Variants in CHRD observed in about 807,000 individuals in gnomAD.
The protein encoded by CHRD is chordin.
Under a neutral mutation model 113.7 loss-of-function variants are expected in CHRD, and 69 were observed. That is an observed-to-expected ratio of 0.61 (90% CI 0.50 to 0.74). The LOEUF is 0.74. Among genes scored for constraint, CHRD ranks in the 30% least tolerant of loss-of-function variants. The pLI is 0.00. For missense variants in CHRD, 1,194 were observed against 1,295.8 expected, an observed-to-expected ratio of 0.92 and a Z score of 1.21; for synonymous variants, 561 against 540.8, an observed-to-expected ratio of 1.04 and a Z score of -0.52.
exon 23 of CHRD, chr3:184,389,776 A>G: frequency 4.2e-6 from 1 of 235,412 alleles, no homozygotes; most frequent in South Asian, 9.5e-5. Context: ...CCCTGAGCTG[A>G]GCAGAGTCAT....
At position 184,380,278 on chromosome 3, in the gene CHRD, G is replaced by T; in HGVS notation, c.-41G>T. 1 of 740,812 alleles carries T rather than the reference G, an allele frequency of 1.3e-6. No individual in the cohort carries two copies. Among genetic ancestry groups the T allele is most frequent in the African/African-American group, 2.0e-5 (1 of 49,156 alleles). 45.9% of individuals were successfully genotyped at this position (740,812 alleles called of 1,614,324 possible). A position where few individuals can be genotyped will look rare whatever the true frequency, so the allele number is the denominator to read the frequency against. ...CCTCCCTCCCTCCGCCCGCTCCCGC[G>T]CCCTCCTCCCTCCCTCCTCCCCAGC... On this transcript the variant is annotated 5_prime_UTR_variant, in exon 1 of 23. Coordinates refer to ENST00000204604, the Ensembl canonical transcript of CHRD. The surrounding 1 kb of genome is among the most constrained non-coding windows in gnomAD (Gnocchi z 6.3).
chr3:184,384,714 G>A lies in CHRD; in HGVS notation c.1597+21G>A, dbSNP rs369626185. On this transcript the variant is annotated intron_variant, in intron 13 of 22. Coordinates refer to ENST00000204604, the Ensembl canonical transcript of CHRD. This position sits in a 1 kb window ranked among gnomAD's most constrained non-coding sequence, Gnocchi z 4.4. ...TGACAGTGAGTGTCCTTAGGGGTCTGTCTGCCCTTTGGTTTCCTAGAACAT... is the reference window on the plus strand; with the variant it reads ...TGACAGTGAGTGTCCTTAGGGGTCTATCTGCCCTTTGGTTTCCTAGAACAT... The A allele has an allele frequency of 8.5e-6, 13 of 1,522,616 alleles. No homozygotes were observed. The highest frequency in any genetic ancestry group is 2.2e-5 in the Admixed American group (1 of 45,704). The allele number at this position is 1,522,616 out of a possible 1,614,324, so 94.3% of individuals were successfully genotyped here.
chr3:184,387,188 A>G lies in CHRD; in HGVS notation c.2347+81A>G, dbSNP rs544184110. On this transcript the variant is annotated intron_variant, in intron 18 of 22. Coordinates refer to ENST00000204604, the Ensembl canonical transcript of CHRD. This position sits in a 1 kb window ranked among gnomAD's most constrained non-coding sequence, Gnocchi z 6.1. ...ACCAGGAGGGGGACAAGAAGGGGAG[A>G]GTATATAGGGGGTGGCCTGAGGGGC... 100 of 1,413,470 alleles carry G rather than the reference A, an allele frequency of 7.1e-5. No individual in the cohort carries two copies. The highest frequency in any genetic ancestry group is 9.5e-5 in the Non-Finnish European group (95 of 1,000,438). The allele number at this position is 1,413,470 out of a possible 1,614,324, so 87.6% of individuals were successfully genotyped here.
chr3:184,382,908 G>A, exon 9 of CHRD: 1 of 1,613,974 alleles, frequency 6.2e-7, no homozygotes, highest in Non-Finnish European at 8.5e-7. Context: ...GGCAGCTACT[G>A]CGAGAACTTC....
chr3:184,389,013 G>C lies in CHRD; in HGVS notation c.2812+18G>C. On this transcript the variant is annotated intron_variant, in intron 22 of 22. Coordinates refer to ENST00000204604, the Ensembl canonical transcript of CHRD. ...CCGGCGGCGTAAGTGAGGGAGTCCA[G>C]GGTCAGCAGCTGTGAGTGGAGGGCT... 2 of 1,576,378 alleles carry C rather than the reference G, an allele frequency of 1.3e-6. No homozygotes were observed. Among genetic ancestry groups the C allele is most frequent in the Non-Finnish European group, 1.7e-6 (2 of 1,152,040 alleles).
At position 184,388,644 on chromosome 3, in the gene CHRD, G is replaced by A. The variant is rs780450294; in HGVS notation, c.2612G>A (p.Gly871Asp). The A allele has an allele frequency of 6.2e-7, 1 of 1,613,512 alleles. No homozygotes were observed. Among genetic ancestry groups the A allele is most frequent in the East Asian group, 2.2e-5 (1 of 44,896 alleles). Residue 871 changes from glycine (G) to aspartate (D), a missense_variant, in exon 21 of 23, where the codon GGC (glycine) becomes GAC (aspartate). Gly to Asp is a moderately conservative substitution (Grantham distance 94). Transcript: ENST00000204604. The surrounding 1 kb of genome is among the most constrained non-coding windows in gnomAD (Gnocchi z 6.1). ...CCCATGCAGGCTGATGGGCCCCGGG[G>A]CTGCCGTTTTGCTGGGCAGTGGTTC...
At chr3:184,386,872 G>A in exon 17 of CHRD, 1 of 1,614,188 alleles carries the variant, frequency 6.2e-7, no homozygotes, top group Non-Finnish European at 8.5e-7. Context: ...TGACCCGGTG[G>A]TGTGCCCACC....
intron 11 of CHRD, 51 bp from the exon 12 acceptor site, chr3:184,383,472 C>T: frequency 6.2e-7 from 1 of 1,613,444 alleles, no homozygotes; most frequent in Admixed American, 1.7e-5. Context: ...GCAGCAGGCC[C>T]CAGGCCTTTA....
rs774509862 is a variant in CHRD, at chr3:184,382,630, C to T, written c.842-4C>T. 9.9e-6 allele frequency: 16 copies of T among 1,612,574 alleles called. No homozygotes were observed. Among genetic ancestry groups the T allele is most frequent in the African/African-American group, 8.0e-5 (6 of 74,864 alleles). On this transcript the variant is annotated splice_polypyrimidine_tract_variant and splice_region_variant and intron_variant, in intron 7 of 22. Transcript: ENST00000204604. ...ACGGGCTCTCATCATCGTCCCTTCC[C>T]CAGAGACCTTCAGTGCCATCCTGAC...
exon 14 of CHRD, chr3:184,385,064 G>A (rs200778333): frequency 1.9e-6 from 3 of 1,614,170 alleles, no homozygotes; most frequent in Middle Eastern, 1.7e-4. Context: ...CCCCTGTGAA[G>A]AGCCAAGCAG....
intron 22 of CHRD, 64 bp downstream of exon 22, chr3:184,389,059 G>A: frequency 8.6e-7 from 1 of 1,165,412 alleles, no homozygotes. Context: ...TGGGACTCCT[G>A]ATCAGGGAAG....
Position 184,381,379 on chromosome 3 carries a change from G to A in CHRD, c.382+15G>A. 1.3e-6 allele frequency: 2 copies of A among 1,586,336 alleles called. No homozygotes were observed. Among genetic ancestry groups the A allele is most frequent in the Non-Finnish European group, 1.7e-6 (2 of 1,166,536 alleles). On this transcript the variant is annotated intron_variant, in intron 3 of 22. Coordinates refer to ENST00000204604, the Ensembl canonical transcript of CHRD. This position sits in a 1 kb window ranked among gnomAD's most constrained non-coding sequence, Gnocchi z 4.7. ...CTGCCCCCAGGGTAAGTCTTGCTCC[G>A]CCCTGCGGGGAGGGAGGCAGGGCCA...
At chr3:184,383,024 C>T (rs1257909531) in exon 10 of CHRD, 3 of 1,612,582 alleles carry the variant, frequency 1.9e-6, no homozygotes, top group Non-Finnish European at 8.5e-7. Context: ...AGGAACCAGG[C>T]TTTGCTGAGG....
chr3:184,388,982 G>C lies in CHRD; in HGVS notation c.2799G>C (p.Thr933=), dbSNP rs908768181. The C allele has an allele frequency of 4.3e-6, 7 of 1,610,688 alleles. No homozygotes were observed. Among genetic ancestry groups the C allele is most frequent in the Non-Finnish European group, 5.9e-6 (7 of 1,179,332 alleles). ...AGAGTCGATGCTGTTCCCGCTGCAC[G>C]GCCCACCGGCGGCGTAAGTGAGGGA... Residue 933 remains threonine, a synonymous_variant, in exon 22 of 23, where the codon ACG becomes ACC. Transcript: ENST00000204604. The surrounding 1 kb of genome is among the most constrained non-coding windows in gnomAD (Gnocchi z 6.1).
Position 184,380,576 on chromosome 3 carries a change from G to C in CHRD, c.148+110G>C. 1 of 1,041,670 alleles carries C rather than the reference G, an allele frequency of 9.6e-7. No homozygotes were observed. Among genetic ancestry groups the C allele is most frequent in the Non-Finnish European group, 1.2e-6 (1 of 833,528 alleles). 64.5% of individuals were successfully genotyped at this position (1,041,670 alleles called of 1,614,324 possible). On this transcript the variant is annotated intron_variant, in intron 1 of 22. Coordinates refer to ENST00000204604, the Ensembl canonical transcript of CHRD. The surrounding 1 kb of genome is among the most constrained non-coding windows in gnomAD (Gnocchi z 6.3). ...GTGGCTCGGCGCGGCGGGCGGCCCGGAGGGTGGGCGGGGGCAGAAGGGCGC... is the reference window on the plus strand; with the variant it reads ...GTGGCTCGGCGCGGCGGGCGGCCCGCAGGGTGGGCGGGGGCAGAAGGGCGC...
At chr3:184,385,172 C>T (rs1449869165) in exon 14 of CHRD, 3 of 1,614,130 alleles carry the variant, frequency 1.9e-6, no homozygotes, top group Admixed American at 3.3e-5. Context: ...CTGTCACTGC[C>T]CACCTCCTTG....
chr3:184,386,243 C>A lies in CHRD; in HGVS notation c.1932+84C>A, dbSNP rs370648883. 8.1e-5 allele frequency: 117 copies of A among 1,438,464 alleles called. No homozygotes were observed. The South Asian group carries it at 1.3e-3, about 16-fold the overall frequency. The allele number at this position is 1,438,464 out of a possible 1,614,324, so 89.1% of individuals were successfully genotyped here. On this transcript the variant is annotated intron_variant, in intron 15 of 22. Coordinates refer to ENST00000204604, the Ensembl canonical transcript of CHRD. ...TGTGTGCCATTGCACTAGTCACTTG[C>A]TGTCTCTGAGTCCTGGGGGTGGTCG... is the stretch of plus-strand genomic sequence containing the variant.
Position 184,382,894 on chromosome 3 carries a change from C to T in CHRD, c.1021C>T (p.Gln341Ter). ...TCCCTTGAGGCTCCAGATTCTACAC[C>T]AGGGGCAGCTACTGCGAGAACTTCA... Residue 341 changes from glutamine (Q) to a stop codon, truncating the protein, a stop_gained, in exon 9 of 23, where the codon CAG (glutamine) becomes TAG (stop). Transcript: ENST00000204604. LOFTEE classifies it high-confidence loss of function. The T allele has an allele frequency of 6.2e-7, 1 of 1,613,866 alleles. No individual in the cohort carries two copies. The highest frequency in any genetic ancestry group is 2.2e-5 in the East Asian group (1 of 44,868).
chr3:184,383,653 C>A lies in CHRD; in HGVS notation c.1440+11C>A. The A allele has an allele frequency of 6.2e-7, 1 of 1,600,450 alleles. No homozygotes were observed. Among genetic ancestry groups the A allele is most frequent in the Admixed American group, 1.7e-5 (1 of 58,826 alleles). On this transcript the variant is annotated intron_variant, in intron 12 of 22. Coordinates refer to ENST00000204604, the Ensembl canonical transcript of CHRD. Reference sequence around the variant, plus strand: ...CCAGGAGGACACACGGTGAGGGCTCCAGGTGGAGCTGGACCCCAGGGCCCA... The same window carrying A: ...CCAGGAGGACACACGGTGAGGGCTCAAGGTGGAGCTGGACCCCAGGGCCCA...
Sources: allele counts gnomAD v4.1 joint callset, GRCh38; gene constraint gnomAD v4.1.1; non-coding constraint Gnocchi (gnomAD v3.1); transcripts MANE v1.5; gene names NCBI Gene and HGNC (gene_info 2026-07-23, HGNC 2026-07-21).